Variants in CGNL1 observed in about 807,000 individuals in gnomAD.
CGNL1 encodes cingulin-like protein 1.
CGNL1 carries 132 observed loss-of-function variants against 141.2 expected under a neutral mutation model. The ratio of observed to expected loss-of-function variants is 0.93; its 90% CI spans 0.81 to 1.08. CGNL1 has a LOEUF of 1.08. Among genes scored for constraint, CGNL1 ranks in the 50% least tolerant of loss-of-function variants. CGNL1 has a pLI of 0.00. For synonymous variants in CGNL1, 690 were observed against 622.1 expected, an observed-to-expected ratio of 1.11 and a Z score of -1.63; for missense variants, 1,870 against 1,588.6, an observed-to-expected ratio of 1.18 and a Z score of -3.01.
intron 1 of CGNL1, among the ~76,000 whole-genome samples, chr15:57,423,728 C>G (rs1475296021): frequency 1.3e-5 from 2 of 152,198 alleles, no homozygotes; most frequent in African/African-American, 4.8e-5. Context: ...TCCCCCTGGT[C>G]GCTCCTTCTC....
At chr15:57,418,461 T>G (rs1235606105) in intron 1 of CGNL1, among the ~76,000 whole-genome samples, 2 of 152,198 alleles carry the variant, frequency 1.3e-5, no homozygotes, top group African/African-American at 2.4e-5. Context: ...ATGTCTGTCT[T>G]GGAGAAGCAT....
chr15:57,485,891 G>T lies in CGNL1; in HGVS notation c.2403+23999G>T, dbSNP rs7162120. ...GCTGATTTAAAAGGAGTTTAGCCAC[G>T]TGCCATTTCTTTCTTCTGGTGCCCA... is the stretch of plus-strand genomic sequence containing the variant. On this transcript the variant is annotated intron_variant, in intron 8 of 18. Coordinates refer to ENST00000281282, the MANE Select transcript of CGNL1 (RefSeq NM_032866.5). Among the ~76,000 whole-genome samples the T allele has an allele frequency of 8.9e-3, 1,352 of 152,264 alleles. 22 individuals carry two copies. The highest frequency in any genetic ancestry group is 0.031 in the African/African-American group (1,285 of 41,544).
chr15:57,499,932 A>G (rs932029), intron 8 of CGNL1, among the ~76,000 whole-genome samples: 35,543 of 151,982 alleles, frequency 0.23, 5,130 homozygotes, highest in East Asian at 0.56. Flanking sequence ...GTTTGGATGC[A>G]TTTTGTTGTG....
At chr15:57,535,402 G>T (rs1358073850) in intron 14 of CGNL1, among the ~76,000 whole-genome samples, 1 of 152,190 alleles carries the variant, frequency 6.6e-6, no homozygotes, top group Non-Finnish European at 1.5e-5. Context: ...AGCAGCTAAT[G>T]AGGGAAAGAC....
At chr15:57,513,118 C>T (rs999705867) in intron 8 of CGNL1, among the ~76,000 whole-genome samples, 1 of 152,266 alleles carries the variant, frequency 6.6e-6, no homozygotes, top group South Asian at 2.1e-4. Context: ...GAAATTCCAT[C>T]GCCATTAGCA....
chr15:57,514,911 A>C (rs1163392874), intron 8 of CGNL1, among the ~76,000 whole-genome samples: 1 of 152,196 alleles, frequency 6.6e-6, no homozygotes, highest in African/African-American at 2.4e-5. Flanking sequence ...AGTTGGCTAT[A>C]CATGTAGGGG....
intron 2 of CGNL1, 128 bp from the exon 3 acceptor site, chr15:57,440,249 C>T: frequency 5.8e-6 from 4 of 687,464 alleles, no homozygotes; most frequent in East Asian, 2.7e-5. Flanking sequence ...AGTAACTTCC[C>T]CAAGATTATG....
At chr15:57,466,373 G>C (rs1478618449) in intron 8 of CGNL1, among the ~76,000 whole-genome samples, 1 of 152,176 alleles carries the variant, frequency 6.6e-6, no homozygotes, top group African/African-American at 2.4e-5. Flanking sequence ...GTTCACAGCC[G>C]TTGGCTTATT....
chr15:57,473,128 G>A (rs562862037), intron 8 of CGNL1, among the ~76,000 whole-genome samples: 1 of 152,218 alleles, frequency 6.6e-6, no homozygotes, highest in African/African-American at 2.4e-5. Context: ...GCAGTGAGTG[G>A]GGCTATTATA....
chr15:57,392,954 A>G (rs76708911), intron 1 of CGNL1, among the ~76,000 whole-genome samples: 1 of 152,350 alleles, frequency 6.6e-6, no homozygotes, highest in African/African-American at 2.4e-5. Flanking sequence ...ATTGGCCAGT[A>G]TTAGTAGAAG....
chr15:57,518,675 G>A (rs549937420), intron 10 of CGNL1, among the ~76,000 whole-genome samples, 178 bp downstream of exon 10: 3 of 152,194 alleles, frequency 2.0e-5, no homozygotes, highest in Non-Finnish European at 4.4e-5. Flanking sequence ...AACTGGGGGG[G>A]ATTTGGTAAT....
At chr15:57,477,811 C>T (rs1468953952) in intron 8 of CGNL1, among the ~76,000 whole-genome samples, 1 of 152,168 alleles carries the variant, frequency 6.6e-6, no homozygotes, top group Non-Finnish European at 1.5e-5. Context: ...CTTCCTGTAG[C>T]TGTCTTAGTG....
intron 13 of CGNL1, among the ~76,000 whole-genome samples, chr15:57,531,117 C>T (rs1185699006): frequency 1.3e-5 from 2 of 152,240 alleles, no homozygotes; most frequent in Admixed American, 1.3e-4. Flanking sequence ...AACAAAGAAA[C>T]CACCAATTAT....
chr15:57,526,180 C>CAA (rs112871468), intron 12 of CGNL1, among the ~76,000 whole-genome samples: 108 of 141,738 alleles, frequency 7.6e-4, no homozygotes, highest in Middle Eastern at 3.6e-3. Flanking sequence ...CCTTCCAAAA[C>CAA]AAAAAAAAAA....
At chr15:57,522,714 C>G (rs929580979) in intron 10 of CGNL1, among the ~76,000 whole-genome samples, 1 of 152,188 alleles carries the variant, frequency 6.6e-6, no homozygotes, top group Non-Finnish European at 1.5e-5. Flanking sequence ...ACATAAAGAA[C>G]ATAAGTCTGT....
Position 57,438,234 on chromosome 15 carries a change from C to G in CGNL1, c.235C>G (p.Pro79Ala), listed in dbSNP as rs200914383. The change falls in exon 2 of 19, where the codon CCA (proline) becomes GCA (alanine). Residue 79 changes from proline (P) to alanine (A), a missense_variant. Physicochemically the swap from Pro to Ala is conservative, Grantham distance 27 (BLOSUM62 -1). Transcript: ENST00000281282. ...FSENGPPFPPPVINNLPLHSS... is the reference protein window; with the variant it reads ...FSENGPPFPPAVINNLPLHSS... ...TGAAAATGGGCCACCCTTTCCACCTCCAGTGATAAATAACCTGCCTCTACA... is the reference window on the plus strand; with the variant it reads ...TGAAAATGGGCCACCCTTTCCACCTGCAGTGATAAATAACCTGCCTCTACA... 3.7e-6 allele frequency: 6 copies of G among 1,614,180 alleles called. No homozygotes were observed. The highest frequency in any genetic ancestry group is 1.3e-5 in the African/African-American group (1 of 75,040).
At chr15:57,531,845 C>A in intron 14 of CGNL1, 66 bp downstream of exon 14, 1 of 1,013,198 alleles carries the variant, frequency 9.9e-7, no homozygotes, top group Non-Finnish European at 1.6e-6. Flanking sequence ...AGGGGTTAAT[C>A]CTGGGGCTTC....
At chr15:57,408,079 A>G (rs1365108255) in intron 1 of CGNL1, among the ~76,000 whole-genome samples, 1 of 152,040 alleles carries the variant, frequency 6.6e-6, no homozygotes, top group Non-Finnish European at 1.5e-5. Context: ...GGTATTTTCA[A>G]AATATGTGGC....
chr15:57,430,528 G>C (rs2063032157), intron 1 of CGNL1, among the ~76,000 whole-genome samples: 1 of 152,126 alleles, frequency 6.6e-6, no homozygotes, highest in Non-Finnish European at 1.5e-5. Context: ...ATAACATATG[G>C]ACACCGTAAA....
Sources: allele counts gnomAD v4.1 joint callset (sites outside exome capture counted in the v4.1 genomes callset), GRCh38; gene constraint gnomAD v4.1.1; transcripts MANE v1.5; gene names NCBI Gene and HGNC (gene_info 2026-07-23, HGNC 2026-07-21).